The following GRM3 variants were observed in gnomAD, a reference collection of about 807,000 sequenced individuals.
The protein encoded by GRM3 is metabotropic glutamate receptor 3.
In GRM3, 26 loss-of-function variants were observed where a neutral mutation model predicts 70.5. The observed-to-expected ratio is 0.37, with a 90% CI of 0.27 to 0.51. The LOEUF is 0.51. GRM3 is among the 20% of genes least tolerant of loss of function. The pLI, the probability that GRM3 is intolerant of heterozygous loss-of-function variation, is 0.93. For missense variants in GRM3, 859 were observed against 1,123.8 expected, an observed-to-expected ratio of 0.76 and a Z score of 3.37; for synonymous variants, 443 against 434.9, an observed-to-expected ratio of 1.02 and a Z score of -0.23.
chr7:86,850,579 A>G (rs777233332), intron 5 of GRM3, 35 bp downstream of exon 5: 4 of 1,413,284 alleles, frequency 2.8e-6, no homozygotes, highest in South Asian at 2.3e-5. Context: ...TCCTTCATAC[A>G]TAGCATTGTA....
intron 3 of GRM3, among the ~76,000 whole-genome samples, chr7:86,806,620 G>A (rs941022238): frequency 1.4e-4 from 22 of 151,970 alleles, no homozygotes; most frequent in African/African-American, 4.8e-4. Context: ...TTGTAAATTT[G>A]TTTCTTTGTA....
chr7:86,755,675 T>G (rs1796328389), intron 1 of GRM3, among the ~76,000 whole-genome samples: 1 of 152,044 alleles, frequency 6.6e-6, no homozygotes, highest in Non-Finnish European at 1.5e-5. Flanking sequence ...AGCAATAAAA[T>G]TAAAGAAAAA....
chr7:86,695,845 CTTT>C (rs1001365768), intron 1 of GRM3, among the ~76,000 whole-genome samples: 5 of 151,996 alleles, frequency 3.3e-5, no homozygotes, highest in African/African-American at 1.2e-4. Context: ...AATGATGGTG[CTTT>C]TTTAAGTTGT....
At chr7:86,693,984 T>G (rs1794753384) in intron 1 of GRM3, among the ~76,000 whole-genome samples, 1 of 152,256 alleles carries the variant, frequency 6.6e-6, no homozygotes, top group African/African-American at 2.4e-5. Flanking sequence ...CAGGCAACTA[T>G]GTATTAAGTT....
chr7:86,753,126 C>T lies in GRM3; in HGVS notation c.-140-11880C>T, dbSNP rs117392783. Among the ~76,000 whole-genome samples, 120 of 152,142 alleles carry T rather than the reference C, an allele frequency of 7.9e-4. 2 individuals are homozygous for T. In the East Asian group the frequency reaches 0.019, roughly 24 times the overall value. On this transcript the variant is annotated intron_variant, in intron 1 of 5. Transcript: ENST00000361669. ...CCCAAGATCACACACCACCTTACAC[C>T]TCAATGAGAAGAAAGGCAGAATGCT...
intron 1 of GRM3, among the ~76,000 whole-genome samples, chr7:86,712,138 T>A (rs1795213666): frequency 1.3e-5 from 2 of 152,042 alleles, no homozygotes; most frequent in East Asian, 1.9e-4. Flanking sequence ...TCTGCTTACT[T>A]TACCTTTGAC....
intron 2 of GRM3, chr7:86,775,125 C>G (rs1175833590): frequency 6.6e-6 from 1 of 152,034 alleles, no homozygotes; most frequent in Non-Finnish European, 1.5e-5. Context: ...ACTCTCAGCT[C>G]TTATTTTTAC....
Position 86,839,279 on chromosome 7 carries a change from A to G in GRM3, c.1765A>G (p.Met589Val), listed in dbSNP as rs1170210038. The G allele has an allele frequency of 6.2e-7, 1 of 1,613,738 alleles. No homozygotes were observed. Among genetic ancestry groups the G allele is most frequent in the Admixed American group, 1.7e-5 (1 of 60,020 alleles). ...GPVTIACLGF[M>V]CTCMVVTVFI... ...AGTCACCATTGCCTGTCTGGGTTTT[A>G]TGTGTACATGCATGGTTGTAACTGT... Residue 589 changes from methionine (M) to valine (V), a missense_variant, in exon 4 of 6, where the codon ATG becomes GTG. Transcript: ENST00000361669. The surrounding 1 kb of genome is among the most constrained non-coding windows in gnomAD (Gnocchi z 4.5).
At chr7:86,688,747 G>GTA (rs1466971765) in intron 1 of GRM3, among the ~76,000 whole-genome samples, 1,640 of 144,302 alleles carry the variant, frequency 0.011, 37 homozygotes, top group African/African-American at 0.038. Flanking sequence ...TATATATATC[G>GTA]TATATATATA....
chr7:86,693,220 T>G (rs1369836160), intron 1 of GRM3, among the ~76,000 whole-genome samples: 1 of 152,212 alleles, frequency 6.6e-6, no homozygotes. Flanking sequence ...ATCAAAACCC[T>G]TTGAGGCAAG....
chr7:86,757,222 G>T (rs746705993), intron 1 of GRM3, among the ~76,000 whole-genome samples: 1 of 152,106 alleles, frequency 6.6e-6, no homozygotes, highest in Non-Finnish European at 1.5e-5. Context: ...TATATGTCAA[G>T]CAATTTATAC....
intron 2 of GRM3, chr7:86,784,746 T>C (rs1370933592): frequency 6.6e-6 from 1 of 152,212 alleles, no homozygotes; most frequent in African/African-American, 2.4e-5. Context: ...GAATACTAAA[T>C]GCAAGAAAGA....
intron 4 of GRM3, among the ~76,000 whole-genome samples, chr7:86,844,043 C>T (rs571802446): frequency 4.8e-4 from 73 of 152,228 alleles, no homozygotes; most frequent in African/African-American, 1.7e-3. Context: ...CTTGGAGTGT[C>T]AAGACTCTAG....
At chr7:86,800,314 A>G (rs1345405399) in intron 3 of GRM3, among the ~76,000 whole-genome samples, 1 of 152,216 alleles carries the variant, frequency 6.6e-6, no homozygotes, top group Non-Finnish European at 1.5e-5. Context: ...GGAGATAGAG[A>G]CATTTAAAAA....
intron 1 of GRM3, among the ~76,000 whole-genome samples, chr7:86,732,230 A>T (rs755499014): frequency 6.6e-6 from 1 of 152,210 alleles, no homozygotes; most frequent in Non-Finnish European, 1.5e-5. Flanking sequence ...TGTAAAAAGC[A>T]TATGAGTTAG....
At chr7:86,829,650 A>G (rs984903452) in intron 3 of GRM3, among the ~76,000 whole-genome samples, 8 of 152,194 alleles carry the variant, frequency 5.3e-5, no homozygotes, top group Admixed American at 6.5e-5. Flanking sequence ...CAGTGAAGCA[A>G]TCAGAATCAG....
chr7:86,755,679 A>G (rs1238858117), intron 1 of GRM3, among the ~76,000 whole-genome samples: 1 of 152,170 alleles, frequency 6.6e-6, no homozygotes, highest in African/African-American at 2.4e-5. Flanking sequence ...ATAAAATTAA[A>G]GAAAAATATT....
chr7:86,772,443 C>T (rs571309834), intron 2 of GRM3, among the ~76,000 whole-genome samples: 85 of 152,102 alleles, frequency 5.6e-4, no homozygotes, highest in African/African-American at 2.0e-3. Flanking sequence ...ACAAAATTGC[C>T]CCCATCGTCC....
At chr7:86,803,545 C>T (rs1340315737) in intron 3 of GRM3, among the ~76,000 whole-genome samples, 1 of 152,174 alleles carries the variant, frequency 6.6e-6, no homozygotes, top group Non-Finnish European at 1.5e-5. Context: ...TGCTGATAGA[C>T]ACTTTTAGAA....
Sources: allele counts gnomAD v4.1 joint callset (sites outside exome capture counted in the v4.1 genomes callset), GRCh38; gene constraint gnomAD v4.1.1; non-coding constraint Gnocchi (gnomAD v3.1); transcripts MANE v1.5; gene names NCBI Gene and HGNC (gene_info 2026-07-23, HGNC 2026-07-21).